CEMIP: variants seen among roughly 807,000 people sequenced by gnomAD.
CEMIP encodes the protein cell migration-inducing and hyaluronan-binding protein.
In CEMIP, 105 loss-of-function variants were observed where a neutral mutation model predicts 156.9. The ratio of observed to expected loss-of-function variants is 0.67; its 90% confidence interval spans 0.57 to 0.79. The LOEUF (loss-of-function observed/expected upper bound fraction) is 0.79, where lower values mean the gene tolerates loss of function less well. Among genes scored for constraint, CEMIP ranks in the 30% least tolerant of loss-of-function variants. The probability of loss-of-function intolerance (pLI) is 0.00; values close to 1 mark genes in which losing one functional copy is unlikely to be tolerated. For synonymous variants in CEMIP, 676 were observed against 668.4 expected (o/e 1.01, Z -0.17); for missense variants, 1,457 against 1,769.4 (o/e 0.82, Z 3.17).
At chr15:80,942,390 C>A in intron 27 of CEMIP, 53 bp downstream of exon 27, 1 of 1,454,994 alleles carries the variant, frequency 6.9e-7, no homozygotes. Context: ...AGAGGTGATA[C>A]TGTGTCCTGC....
At chr15:80,903,831 C>G (rs1183671321) in intron 12 of CEMIP, among the ~76,000 whole-genome samples, 1 of 152,122 alleles carries the variant, frequency 6.6e-6, no homozygotes, top group African/African-American at 2.4e-5. Context: ...CTGGGAAGGC[C>G]CCGTAACTGA....
rs55811683 is a variant in CEMIP, at chr15:80,924,478, G to T, written c.2203-143G>T. The T allele has an allele frequency of 0.11, 82,084 of 743,560 alleles. 5,321 individuals carry two copies. The highest frequency in any genetic ancestry group is 0.22 in the East Asian group (8,356 of 37,266). The allele number at this position is 743,560 out of a possible 1,614,324, so 46.1% of individuals were successfully genotyped here. A position where few individuals can be genotyped will look rare whatever the true frequency, so the allele number is the denominator to read the frequency against. ...CAGCATCTTCACCTCCCTTACTGTA[G>T]ATCCTCTACTTCTGTTGATGCAGCC... On this transcript the variant is annotated intron_variant, in intron 17 of 29. Coordinates refer to ENST00000394685, the MANE Select transcript of CEMIP (RefSeq NM_001293298.2).
chr15:80,883,204 T>A (rs1331287836), intron 6 of CEMIP, among the ~76,000 whole-genome samples: 1 of 152,250 alleles, frequency 6.6e-6, no homozygotes, highest in Non-Finnish European at 1.5e-5. Context: ...TGTAATTGCA[T>A]AAAATCTTTA....
At chr15:80,900,000 G>A (rs188670295) in intron 12 of CEMIP, among the ~76,000 whole-genome samples, 66 of 152,232 alleles carry the variant, frequency 4.3e-4, no homozygotes, top group African/African-American at 1.5e-3. Context: ...GAGGGTGAAA[G>A]CCTGACCGTG....
intron 10 of CEMIP, among the ~76,000 whole-genome samples, chr15:80,893,565 G>A (rs1244220210): frequency 2.0e-5 from 3 of 152,184 alleles, no homozygotes; most frequent in African/African-American, 4.8e-5. Flanking sequence ...AACTTCAGGA[G>A]GCCCGAGGAG....
Position 80,900,636 on chromosome 15 carries a change from GTGTGTGTGTGTGTCTGTGTGTGTGTC to G in CEMIP, c.1411+4590_1411+4615del, listed in dbSNP as rs1567090905. Among the ~76,000 whole-genome samples the G allele has an allele frequency of 7.3e-4, 96 of 132,194 alleles. 1 individual carries two copies. The highest frequency in any genetic ancestry group is 2.4e-3 in the African/African-American group (90 of 37,030). The allele number at this position is 132,194 out of a possible 152,430, so 86.7% of individuals were successfully genotyped here. A position where few individuals can be genotyped will look rare whatever the true frequency, so the allele number is the denominator to read the frequency against. On this transcript the variant is annotated intron_variant, in intron 12 of 29. Transcript: ENST00000394685. ...TGTGTGTGTGTGTGTGTGTGTGTGTGTGTGTGTGTGTGTCTGTGTGTGTGTCTGTGTGTGTGTGTGTATTTTGTGTG... is the reference window on the plus strand; with the variant it reads ...TGTGTGTGTGTGTGTGTGTGTGTGTGTGTGTGTGTGTGTGTATTTTGTGTG...
chr15:80,866,448 C>T (rs1421264146), intron 1 of CEMIP, among the ~76,000 whole-genome samples: 1 of 151,962 alleles, frequency 6.6e-6, no homozygotes, highest in Admixed American at 6.6e-5. Flanking sequence ...AAAAATTAGC[C>T]AGGCGTGGTG....
intron 1 of CEMIP, among the ~76,000 whole-genome samples, chr15:80,835,812 C>G (rs1443776185): frequency 5.9e-5 from 9 of 152,186 alleles, no homozygotes. Flanking sequence ...CTGTTTCTCT[C>G]TGCCTCACTG....
chr15:80,902,602 C>T (rs368146237), intron 12 of CEMIP, among the ~76,000 whole-genome samples: 2 of 152,142 alleles, frequency 1.3e-5, no homozygotes, highest in African/African-American at 2.4e-5. Flanking sequence ...GCTCTGCAGC[C>T]GGGAAGACGG....
chr15:80,933,101 G>A (rs1024296723), intron 22 of CEMIP, 144 bp from the exon 23 acceptor site: 15 of 714,890 alleles, frequency 2.1e-5, no homozygotes, highest in Middle Eastern at 3.7e-4. Context: ...GGTCAGCCAC[G>A]TGGTTTCTCT....
intron 1 of CEMIP, among the ~76,000 whole-genome samples, chr15:80,836,132 G>T (rs1480762897): frequency 6.8e-6 from 1 of 147,140 alleles, no homozygotes; most frequent in South Asian, 2.1e-4. Context: ...ACCAAAAAGT[G>T]CTTGGAAAAT....
chr15:80,927,121 G>A lies in CEMIP; in HGVS notation c.2420+1366G>A, dbSNP rs183016460. On this transcript the variant is annotated intron_variant, in intron 19 of 29. Coordinates refer to ENST00000394685, the MANE Select transcript of CEMIP (RefSeq NM_001293298.2). ...TGGGATTACAGGCGTGAGCCACTGT[G>A]CCCAGCCGCAGGGCCTTCATTTTGC... 3.6e-3 allele frequency among the ~76,000 whole-genome samples: 541 copies of A among 152,300 alleles called. 1 individual carries two copies. Among genetic ancestry groups the A allele is most frequent in the African/African-American group, 6.1e-3 (252 of 41,564 alleles).
rs903255453 is a variant in CEMIP, at chr15:80,932,969, G to C, written c.2794-276G>C. On this transcript the variant is annotated intron_variant, in intron 22 of 29. Coordinates refer to ENST00000394685, the MANE Select transcript of CEMIP (RefSeq NM_001293298.2). This position sits in a 1 kb window ranked among gnomAD's most constrained non-coding sequence, Gnocchi z 4.5. ...TGCAGTTGGTGAAGGCTGTGTGTCA[G>C]AGCAGTCTCCAAGCTCATCCACAGC... 3.9e-5 allele frequency among the ~76,000 whole-genome samples: 6 copies of C among 152,192 alleles called. No individual in the cohort carries two copies. Among genetic ancestry groups the C allele is most frequent in the East Asian group, 1.9e-4 (1 of 5,190 alleles).
At chr15:80,813,019 A>G (rs535533979) in intron 1 of CEMIP, among the ~76,000 whole-genome samples, 3 of 152,366 alleles carry the variant, frequency 2.0e-5, no homozygotes, top group African/African-American at 7.2e-5. Context: ...TGTGTTTTAC[A>G]TCATTGCCAT....
chr15:80,948,456 G>A (rs1034355819), intron 29 of CEMIP: 28 of 376,470 alleles, frequency 7.4e-5, no homozygotes, highest in Non-Finnish European at 1.1e-4. Flanking sequence ...GGGACTTGCT[G>A]GTTGTCCTAG....
chr15:80,869,061 AAGCCTCT>A (rs1567075579), intron 1 of CEMIP, among the ~76,000 whole-genome samples: 1 of 152,082 alleles, frequency 6.6e-6, no homozygotes, highest in Non-Finnish European at 1.5e-5. Context: ...GCTTCTTCTG[AAGCCTCT>A]CTCCTTGGCT....
chr15:80,907,012 TCC>T (rs71153559), intron 13 of CEMIP, among the ~76,000 whole-genome samples, 174 bp downstream of exon 13: 2 of 151,702 alleles, frequency 1.3e-5, no homozygotes, highest in African/African-American at 2.4e-5. Flanking sequence ...AGTGTGCAGC[TCC>T]CCCCCCACCA....
intron 27 of CEMIP, 149 bp from the exon 28 acceptor site, chr15:80,942,796 T>C: frequency 1.1e-6 from 1 of 912,640 alleles, no homozygotes; most frequent in Non-Finnish European, 1.8e-6. Context: ...TACTGAGGGC[T>C]ACGAGGAGTT....
chr15:80,825,432 C>A (rs954181176), intron 1 of CEMIP, among the ~76,000 whole-genome samples: 5 of 152,204 alleles, frequency 3.3e-5, no homozygotes, highest in African/African-American at 9.7e-5. Flanking sequence ...AAGGCCCAAG[C>A]CCTTTCCCCC....
Sources: allele counts gnomAD v4.1 joint callset (sites outside exome capture counted in the v4.1 genomes callset), GRCh38; gene constraint gnomAD v4.1.1; non-coding constraint Gnocchi (gnomAD v3.1); transcripts MANE v1.5; gene names NCBI Gene and HGNC (gene_info 2026-07-23, HGNC 2026-07-21).